The following HCRTR2 variants were observed in gnomAD, a reference collection of about 807,000 sequenced individuals.
HCRTR2 encodes orexin receptor type 2.
Under a neutral mutation model 49.0 loss-of-function variants are expected in HCRTR2, and 22 were observed. That is an observed-to-expected ratio of 0.45 (90% CI 0.32 to 0.64). The LOEUF (loss-of-function observed/expected upper bound fraction) is 0.64, where lower values mean the gene tolerates loss of function less well. Among genes scored for constraint, HCRTR2 ranks in the 30% least tolerant of loss-of-function variants. HCRTR2 has a pLI of 0.04. For synonymous variants in HCRTR2, 236 were observed against 205.3 expected (o/e 1.15, Z -1.28); for missense variants, 491 against 559.4 (o/e 0.88, Z 1.23).
rs142082346 is a variant in HCRTR2, at chr6:55,203,975, G to A, written c.223+29165G>A. 2.0e-3 allele frequency among the ~76,000 whole-genome samples: 302 copies of A among 152,082 alleles called. 1 individual carries two copies. Among genetic ancestry groups the A allele is most frequent in the Middle Eastern group, 0.017 (5 of 294 alleles). On this transcript the variant is annotated intron_variant, in intron 1 of 6. Transcript: ENST00000370862. ...TATTTAACAGGACTACTCTTTTGCT[G>A]AATTGAAAATTGTCTCTAAGGGTGT...
intron 1 of HCRTR2, among the ~76,000 whole-genome samples, chr6:55,228,919 T>C (rs1766061223): frequency 2.6e-5 from 4 of 152,270 alleles, no homozygotes; most frequent in Admixed American, 2.0e-4. Flanking sequence ...AGCACTTTTT[T>C]TTGGGTGAAT....
chr6:55,184,700 T>G (rs563123118), intron 1 of HCRTR2, among the ~76,000 whole-genome samples: 73 of 152,318 alleles, frequency 4.8e-4, no homozygotes, highest in African/African-American at 1.8e-3. Flanking sequence ...TGTGGATAGT[T>G]TAGAAGCTTT....
chr6:55,139,124 A>T (rs1445124401), intron 1 of HCRTR2, among the ~76,000 whole-genome samples: 1 of 152,184 alleles, frequency 6.6e-6, no homozygotes, highest in Non-Finnish European at 1.5e-5. Flanking sequence ...TTGAAAGAGA[A>T]GTAAATGTGG....
Position 55,280,425 on chromosome 6 carries a change from T to C in HCRTR2, c.1086T>C (p.Ile362=), listed in dbSNP as rs1257104799. The C allele has an allele frequency of 6.2e-7, 1 of 1,612,286 alleles. No individual in the cohort carries two copies. The highest frequency in any genetic ancestry group is 8.5e-7 in the Non-Finnish European group (1 of 1,178,542). Residue 362 remains isoleucine (I), a synonymous_variant, in exon 6 of 7, where the codon ATT becomes ATC. Transcript: ENST00000370862. ...ATGCCAATAGTGCTGCGAATCCAAT[T>C]ATTTATAATTTTCTCAGTGGTGAGT... ...LVYANSAANP[I]IYNFLSGKFR...
intron 1 of HCRTR2, among the ~76,000 whole-genome samples, chr6:55,154,282 A>T (rs1415187213): frequency 6.6e-6 from 1 of 151,970 alleles, no homozygotes; most frequent in Non-Finnish European, 1.5e-5. Context: ...TGAGGCCAGC[A>T]TTATTCTGAT....
chr6:55,179,495 T>C (rs780845755), intron 1 of HCRTR2, among the ~76,000 whole-genome samples: 2 of 152,186 alleles, frequency 1.3e-5, no homozygotes, highest in Non-Finnish European at 2.9e-5. Flanking sequence ...ATAAATTATA[T>C]CTTTGACTTA....
intron 3 of HCRTR2, among the ~76,000 whole-genome samples, chr6:55,261,977 C>T (rs957828490): frequency 6.6e-6 from 1 of 152,062 alleles, no homozygotes. Flanking sequence ...GCATTCCCAG[C>T]AACCTGGAGG....
chr6:55,107,025 T>C (rs1425270099), intron 1 of HCRTR2, among the ~76,000 whole-genome samples: 1 of 152,168 alleles, frequency 6.6e-6, no homozygotes, highest in Non-Finnish European at 1.5e-5. Context: ...TTGCTATGAC[T>C]GTCTTTCTTT....
intron 1 of HCRTR2, among the ~76,000 whole-genome samples, chr6:55,125,918 C>T (rs6929381): frequency 0.033 from 5,022 of 152,080 alleles, 285 homozygotes; most frequent in African/African-American, 0.11. Context: ...GCGATTGATA[C>T]CTGTGTATGC....
intron 1 of HCRTR2, among the ~76,000 whole-genome samples, chr6:55,200,850 G>C (rs949176356): frequency 4.6e-5 from 7 of 151,938 alleles, no homozygotes; most frequent in African/African-American, 1.7e-4. Flanking sequence ...GAAAGTATTT[G>C]TTGTTATTCT....
At chr6:55,106,570 T>C (rs1490616998) in intron 1 of HCRTR2, 1 of 152,116 alleles carries the variant, frequency 6.6e-6, no homozygotes, top group Non-Finnish European at 1.5e-5. Context: ...TCATTTACTC[T>C]ATATTTTTTC....
At position 55,229,591 on chromosome 6, in the gene HCRTR2, G is replaced by T. The variant is rs548494216; in HGVS notation, c.224-19048G>T. 9.7e-4 allele frequency among the ~76,000 whole-genome samples: 148 copies of T among 152,244 alleles called. 1 individual carries two copies. Among genetic ancestry groups the T allele is most frequent in the Non-Finnish European group, 1.0e-4 (7 of 68,018 alleles). On this transcript the variant is annotated intron_variant, in intron 1 of 6. Transcript: ENST00000370862. ...GTATCTTTCTGAATGCAACATCATAGATGAACCTGCAGGACGTTATGCTAG... is the reference window on the plus strand; with the variant it reads ...GTATCTTTCTGAATGCAACATCATATATGAACCTGCAGGACGTTATGCTAG...
chr6:55,254,707 A>G (rs1171806048), intron 2 of HCRTR2, among the ~76,000 whole-genome samples: 1 of 151,972 alleles, frequency 6.6e-6, no homozygotes, highest in Non-Finnish European at 1.5e-5. Context: ...GTAATTTAGA[A>G]GAAAGACATA....
intron 1 of HCRTR2, among the ~76,000 whole-genome samples, chr6:55,154,678 A>C (rs1318413774): frequency 7.0e-6 from 1 of 142,276 alleles, no homozygotes; most frequent in Non-Finnish European, 1.6e-5. Flanking sequence ...AATTGGGCAA[A>C]AATAAATAAA....
At position 55,150,704 on chromosome 6, in the gene HCRTR2, T is replaced by C. The variant is rs139163503; in HGVS notation, c.-377-23507T>C. Among the ~76,000 whole-genome samples, 360 of 152,132 alleles carry C rather than the reference T, an allele frequency of 2.4e-3. 3 individuals are homozygous for C. The highest frequency in any genetic ancestry group is 8.4e-3 in the African/African-American group (349 of 41,562). ...AGGCTGAATAACATTCCATTTTATGTATTTATCATATTTTCTTTATCCATT... is the reference window on the plus strand; with the variant it reads ...AGGCTGAATAACATTCCATTTTATGCATTTATCATATTTTCTTTATCCATT... On this transcript the variant is annotated intron_variant, in intron 1 of 7. Transcript: ENST00000615358.
intron 1 of HCRTR2, among the ~76,000 whole-genome samples, chr6:55,184,599 T>A (rs1293736607): frequency 1.3e-5 from 2 of 152,224 alleles, no homozygotes; most frequent in Non-Finnish European, 2.9e-5. Context: ...TCAATGAAGA[T>A]GCTACATTGA....
chr6:55,167,502 A>G (rs2127265633), intron 1 of HCRTR2, among the ~76,000 whole-genome samples: 1 of 152,250 alleles, frequency 6.6e-6, no homozygotes, highest in East Asian at 1.9e-4. Context: ...TCTAACTCAG[A>G]CAAATATGTT....
At chr6:55,211,002 G>C (rs1211790284) in intron 1 of HCRTR2, among the ~76,000 whole-genome samples, 1 of 152,086 alleles carries the variant, frequency 6.6e-6, no homozygotes, top group Admixed American at 6.6e-5. Flanking sequence ...TCTATGTTTA[G>C]ATATGTTCAG....
intron 1 of HCRTR2, among the ~76,000 whole-genome samples, chr6:55,247,291 A>G (rs979470053): frequency 1.3e-5 from 2 of 152,104 alleles, no homozygotes; most frequent in African/African-American, 4.8e-5. Context: ...GGACAATGTG[A>G]AGTTTTCAAA....
Sources: allele counts gnomAD v4.1 joint callset (sites outside exome capture counted in the v4.1 genomes callset), GRCh38; gene constraint gnomAD v4.1.1; transcripts MANE v1.5; gene names NCBI Gene and HGNC (gene_info 2026-07-23, HGNC 2026-07-21).